The following BUB1B variants were observed in gnomAD, a reference collection of about 807,000 sequenced individuals.
The protein encoded by BUB1B is BUB1 mitotic checkpoint serine/threonine kinase B.
Under a neutral mutation model 137.7 loss-of-function variants are expected in BUB1B, and 86 were observed. The ratio of observed to expected loss-of-function variants is 0.62; its 90% CI spans 0.52 to 0.75. The LOEUF (loss-of-function observed/expected upper bound fraction) is 0.75. Ranked by LOEUF, BUB1B falls within the 30% of genes least tolerant of loss-of-function variation. The pLI is 0.00. For missense variants in BUB1B, 1,130 were observed against 1,236.9 expected, an observed-to-expected ratio of 0.91 and a Z score of 1.30; for synonymous variants, 420 against 417.9, an observed-to-expected ratio of 1.00 and a Z score of -0.06.
Position 40,199,966 on chromosome 15 carries a change from A to G in BUB1B, c.1401+239A>G, listed in dbSNP as rs1279581184. ...CTTCTTAGTTATACTCCAAATCATTATGTTATTAATTCTGGCTTAAGCTTT... is the reference window on the plus strand; with the variant it reads ...CTTCTTAGTTATACTCCAAATCATTGTGTTATTAATTCTGGCTTAAGCTTT... On this transcript the variant is annotated intron_variant, in intron 10 of 22. Transcript: ENST00000287598. 54 of 583,054 alleles carry G rather than the reference A, an allele frequency of 9.3e-5. 1 individual carries two copies. The South Asian group carries it at 1.0e-3, about 11-fold the overall frequency. The allele number at this position is 583,054 out of a possible 1,614,324, so 36.1% of individuals were successfully genotyped here. A position where few individuals can be genotyped will look rare whatever the true frequency, so the allele number is the denominator to read the frequency against.
chr15:40,177,327 A>G (rs933293310), intron 5 of BUB1B, among the ~76,000 whole-genome samples: 1 of 152,094 alleles, frequency 6.6e-6, no homozygotes, highest in East Asian at 1.9e-4. Flanking sequence ...AGAGATTTTC[A>G]TCTTCAAGTT....
chr15:40,198,615 C>T (rs934733371), intron 9 of BUB1B, among the ~76,000 whole-genome samples: 1 of 152,182 alleles, frequency 6.6e-6, no homozygotes, highest in Admixed American at 6.5e-5. Flanking sequence ...GTTGCACTTC[C>T]AAATCATTTT....
intron 2 of BUB1B, among the ~76,000 whole-genome samples, chr15:40,168,230 G>A (rs2037123799): frequency 6.6e-6 from 1 of 152,150 alleles, no homozygotes; most frequent in Admixed American, 6.5e-5. Flanking sequence ...AGCCGGGCGT[G>A]GTGGCGCATG....
intron 1 of BUB1B, among the ~76,000 whole-genome samples, chr15:40,164,620 T>C (rs376098262): frequency 1.3e-5 from 2 of 152,072 alleles, no homozygotes; most frequent in South Asian, 2.1e-4. Flanking sequence ...ATAACACTTT[T>C]GTTCCCTTCT....
In BUB1B at chr15:40,200,272, C is replaced by T. The variant is rs1426185645; in HGVS notation, c.1430C>T (p.Thr477Ile). 1.9e-6 allele frequency: 3 copies of T among 1,613,670 alleles called. No homozygotes were observed. Among genetic ancestry groups the T allele is most frequent in the Middle Eastern group, 1.7e-4 (1 of 6,058 alleles). Residue 477 changes from threonine (T) to isoleucine (I), a missense_variant, in exon 11 of 23, where the codon ACA (threonine) becomes ATA (isoleucine). By Grantham distance (89) the Thr-to-Ile change is moderately conservative (BLOSUM62 -1). Coordinates refer to ENST00000287598, the MANE Select transcript of BUB1B (RefSeq NM_001211.6). ...QQEETMPTKE[T>I]TKLQIASESQ... ...GAAGAGACGATGCCTACAAAGGAGACAACTAAACTGCAAATTGCTTCCGAG... is the reference window on the plus strand; with the variant it reads ...GAAGAGACGATGCCTACAAAGGAGATAACTAAACTGCAAATTGCTTCCGAG...
chr15:40,210,255 G>A (rs967966477), intron 18 of BUB1B, 45 bp downstream of exon 18: 5 of 1,393,798 alleles, frequency 3.6e-6, no homozygotes, highest in Non-Finnish European at 5.1e-6. Flanking sequence ...TAAATAATAC[G>A]GATTGGAGCA....
chr15:40,176,838 G>A (rs2037230012), intron 5 of BUB1B, among the ~76,000 whole-genome samples, 165 bp downstream of exon 5: 1 of 152,076 alleles, frequency 6.6e-6, no homozygotes, highest in African/African-American at 2.4e-5. Context: ...TTATCATAGA[G>A]TAAAATCCAC....
At chr15:40,186,633 C>G (rs1385647097) in intron 8 of BUB1B, among the ~76,000 whole-genome samples, 2 of 149,166 alleles carry the variant, frequency 1.3e-5, no homozygotes, top group East Asian at 2.0e-4. Flanking sequence ...TTTTAGTGGA[C>G]ACGGGGTTTC....
chr15:40,208,891 G>A, intron 16 of BUB1B, 121 bp downstream of exon 16: 1 of 1,039,584 alleles, frequency 9.6e-7, no homozygotes, highest in Non-Finnish European at 1.5e-6. Flanking sequence ...ATGGAGTGCA[G>A]TGGCACAATC....
Position 40,200,405 on chromosome 15 carries a change from T to C in BUB1B, c.1517+46T>C, listed in dbSNP as rs770255955. The C allele has an allele frequency of 5.5e-6, 8 of 1,451,706 alleles. No individual in the cohort carries two copies. In the South Asian group the frequency reaches 9.3e-5, roughly 17 times the overall value. 89.9% of individuals were successfully genotyped at this position (1,451,706 alleles called of 1,614,324 possible). A position where few individuals can be genotyped will look rare whatever the true frequency, so the allele number is the denominator to read the frequency against. Reference sequence around the variant, plus strand: ...GGGACAATGCATATAGGAGGGCATTTAGAACCAACCTTTGACTCTCTAGTG... The same window carrying C: ...GGGACAATGCATATAGGAGGGCATTCAGAACCAACCTTTGACTCTCTAGTG... On this transcript the variant is annotated intron_variant, in intron 11 of 22. Coordinates refer to ENST00000287598, the MANE Select transcript of BUB1B (RefSeq NM_001211.6).
intron 2 of BUB1B, among the ~76,000 whole-genome samples, chr15:40,168,087 G>C (rs2037122201): frequency 2.0e-5 from 3 of 150,428 alleles, no homozygotes; most frequent in Admixed American, 2.0e-4. Context: ...AAAAAAAAAG[G>C]CTGGGCACGG....
At chr15:40,170,438 C>A (rs1033965102) in intron 3 of BUB1B, 99 bp from the exon 4 acceptor site, 10 of 1,407,020 alleles carry the variant, frequency 7.1e-6, no homozygotes, top group Admixed American at 5.4e-5. Flanking sequence ...TCAAAAGAAA[C>A]ATACTTTACT....
intron 2 of BUB1B, among the ~76,000 whole-genome samples, chr15:40,168,143 G>A (rs900740733): frequency 7.9e-5 from 12 of 151,944 alleles, no homozygotes; most frequent in Non-Finnish European, 8.8e-5. Context: ...CGAGGCAGGC[G>A]GATCACCTGA....
intron 20 of BUB1B, among the ~76,000 whole-genome samples, chr15:40,214,230 C>T (rs28637697): frequency 0.08 from 12,101 of 152,118 alleles, 1,574 homozygotes; most frequent in African/African-American, 0.28. Flanking sequence ...CAAACTATGC[C>T]AAGGAATGGG....
At chr15:40,195,390 G>A (rs2037485890) in intron 8 of BUB1B, among the ~76,000 whole-genome samples, 1 of 152,108 alleles carries the variant, frequency 6.6e-6, no homozygotes, top group African/African-American at 2.4e-5. Flanking sequence ...TGATTGATGG[G>A]CATTTGGGCT....
At position 40,218,480 on chromosome 15, in the gene BUB1B, T is replaced by G; in HGVS notation, c.2875T>G (p.Leu959Val). 1 of 1,614,032 alleles carries G rather than the reference T, an allele frequency of 6.2e-7. No homozygotes were observed. The highest frequency in any genetic ancestry group is 8.5e-7 in the Non-Finnish European group (1 of 1,179,932). The change falls in exon 22 of 23, where the codon TTA (leucine) becomes GTA (valine). Residue 959 changes from leucine to valine, a missense_variant. By Grantham distance (32) the Leu-to-Val change is conservative (BLOSUM62 1). Coordinates refer to ENST00000287598, the MANE Select transcript of BUB1B (RefSeq NM_001211.6). ...GGTAGACCTGTTTGGTATAGCAGAT[T>G]TAGCACATTTACTATTGTTCAAGGA... The part of the protein sequence containing the change: ...YQVDLFGIAD[L>V]AHLLLFKEHL...
chr15:40,165,272 A>T (rs2037082548), intron 2 of BUB1B, 76 bp downstream of exon 2: 2 of 1,595,514 alleles, frequency 1.3e-6, no homozygotes, highest in East Asian at 4.5e-5. Context: ...TGGATCCATG[A>T]GAGATGGCAT....
chr15:40,208,364 C>A (rs888919569), intron 15 of BUB1B, among the ~76,000 whole-genome samples: 36 of 151,954 alleles, frequency 2.4e-4, no homozygotes, highest in African/African-American at 8.5e-4. Flanking sequence ...ATGGTGAAAC[C>A]CTGTCTCTAC....
In BUB1B at chr15:40,218,528, G is replaced by A; in HGVS notation, c.2923G>A (p.Gly975Arg). 6.2e-7 allele frequency: 1 copy of A among 1,614,000 alleles called. No homozygotes were observed. The highest frequency in any genetic ancestry group is 2.2e-5 in the East Asian group (1 of 44,874). ...GGAACACCTACAGGTCTTCTGGGAT[G>A]GGTCCTTCTGGAAACTTAGCCAAAA... Reference protein sequence around the residue: ...FKEHLQVFWDGSFWKLSQNIS... With the variant: ...FKEHLQVFWDRSFWKLSQNIS... Residue 975 changes from glycine to arginine, a missense_variant, in exon 22 of 23, where the codon GGG (glycine) becomes AGG (arginine). Coordinates refer to ENST00000287598, the MANE Select transcript of BUB1B (RefSeq NM_001211.6).
Sources: allele counts gnomAD v4.1 joint callset (sites outside exome capture counted in the v4.1 genomes callset), GRCh38; gene constraint gnomAD v4.1.1; transcripts MANE v1.5; gene names NCBI Gene and HGNC (gene_info 2026-07-23, HGNC 2026-07-21).